The following TENM3 variants were observed in gnomAD, a reference collection of about 807,000 sequenced individuals.
TENM3 encodes teneurin transmembrane protein 3.
In TENM3, 63 loss-of-function variants were observed where a neutral mutation model predicts 255.1. The observed-to-expected ratio is 0.25, with a 90% CI of 0.20 to 0.30. The LOEUF is 0.30. Among genes scored for constraint, TENM3 ranks in the 10% least tolerant of loss-of-function variants. The pLI is 1.00. For synonymous variants in TENM3, 1,306 were observed against 1,322.3 expected, an observed-to-expected ratio of 0.99 and a Z score of 0.27; for missense variants, 2,929 against 3,461.1, an observed-to-expected ratio of 0.85 and a Z score of 3.86.
the TENM3 span, chr4:181,980,399 A>C: frequency 1.3e-4 from 20 of 152,214 alleles, no homozygotes. Flanking sequence ...TTACAAATAT[A>C]AAATAAATTT....
chr4:181,596,995 TAA>T, the TENM3 span, among the ~76,000 whole-genome samples: 2 of 152,114 alleles, frequency 1.3e-5, no homozygotes, highest in Non-Finnish European at 2.9e-5. Flanking sequence ...TACTTAATAT[TAA>T]TCTGTACAGC....
chr4:182,048,448 C>T, the TENM3 span, among the ~76,000 whole-genome samples: 1 of 152,122 alleles, frequency 6.6e-6, no homozygotes, highest in Non-Finnish European at 1.5e-5. Context: ...TAATCATGCT[C>T]TTTGTTGATT....
the TENM3 span, among the ~76,000 whole-genome samples, chr4:181,757,171 C>G: frequency 6.6e-6 from 1 of 152,200 alleles, no homozygotes; most frequent in Non-Finnish European, 1.5e-5. Context: ...ACTTTACACC[C>G]ATGTGGTTTC....
At chr4:182,239,807 T>C (rs1579849799), upstream of TENM3, among the ~76,000 whole-genome samples, 1 of 152,210 alleles carries the variant, frequency 6.6e-6, no homozygotes, top group East Asian at 1.9e-4. Context: ...AAAGCTTTAC[T>C]GGAAAAAAAT....
chr4:181,754,052 C>T, the TENM3 span, among the ~76,000 whole-genome samples: 1 of 152,088 alleles, frequency 6.6e-6, no homozygotes, highest in Non-Finnish European at 1.5e-5. Flanking sequence ...ACTTTTTATA[C>T]ATATAGTTAT....
At chr4:182,540,384 G>A (rs1401927020) in intron 3 of TENM3, among the ~76,000 whole-genome samples, 1 of 152,182 alleles carries the variant, frequency 6.6e-6, no homozygotes, top group Non-Finnish European at 1.5e-5. Flanking sequence ...GAGGTCAGGA[G>A]TTTGAGACCA....
chr4:181,544,412 A>AAAAAAAAAAAC, the TENM3 span, among the ~76,000 whole-genome samples: 11 of 111,172 alleles, frequency 9.9e-5, 1 homozygote, highest in Non-Finnish European at 1.9e-4. Context: ...CAGGATTAAA[A>AAAAAAAAAAAC]AAAAAAAAAA....
At chr4:182,574,455 T>C (rs1744722229) in intron 3 of TENM3, among the ~76,000 whole-genome samples, 1 of 152,154 alleles carries the variant, frequency 6.6e-6, no homozygotes, top group African/African-American at 2.4e-5. Flanking sequence ...AACTTTTCCT[T>C]TATTAGTTTC....
intron 1 of TENM3, among the ~76,000 whole-genome samples, chr4:182,287,055 C>T (rs551474106): frequency 3.0e-4 from 46 of 152,104 alleles, no homozygotes; most frequent in East Asian, 7.7e-4. Flanking sequence ...AGCGAGACCC[C>T]GTCTCTACAA....
chr4:182,513,500 G>GAA (rs537847412), intron 3 of TENM3, among the ~76,000 whole-genome samples: 1,817 of 133,572 alleles, frequency 0.014, 17 homozygotes, highest in Non-Finnish European at 0.022. Context: ...GATCCTGAAT[G>GAA]AAAAAAAAAA....
intron 2 of TENM3, among the ~76,000 whole-genome samples, chr4:182,325,761 T>A (rs1309392570): frequency 2.0e-5 from 3 of 152,042 alleles, no homozygotes; most frequent in East Asian, 1.9e-4. Context: ...ATAAAAAAAT[T>A]AAAAAAACCC....
At chr4:182,261,733 G>A (rs180824795) in intron 1 of TENM3, among the ~76,000 whole-genome samples, 23 of 152,336 alleles carry the variant, frequency 1.5e-4, no homozygotes, top group Admixed American at 1.5e-3. Flanking sequence ...GCTCCCGCTT[G>A]CCCAGTCCTA....
At chr4:181,601,699 A>G in the TENM3 span, among the ~76,000 whole-genome samples, 1 of 152,128 alleles carries the variant, frequency 6.6e-6, no homozygotes, top group Non-Finnish European at 1.5e-5. Flanking sequence ...ATGTTATTAT[A>G]GGGGTTACAT....
At chr4:182,471,755 G>A (rs1054213484) in intron 3 of TENM3, among the ~76,000 whole-genome samples, 1 of 152,008 alleles carries the variant, frequency 6.6e-6, no homozygotes, top group African/African-American at 2.4e-5. Flanking sequence ...AATCCGAGGT[G>A]AATAGATTAT....
chr4:181,898,942 T>G, the TENM3 span, among the ~76,000 whole-genome samples: 1 of 152,188 alleles, frequency 6.6e-6, no homozygotes. Flanking sequence ...AGTTGCTAAA[T>G]TATAAGGTAG....
chr4:181,746,735 C>T, the TENM3 span, among the ~76,000 whole-genome samples: 1 of 151,502 alleles, frequency 6.6e-6, no homozygotes, highest in Admixed American at 6.6e-5. Flanking sequence ...TCCCTTGAAC[C>T]ACTTCCCTAC....
the TENM3 span, among the ~76,000 whole-genome samples, chr4:181,532,208 A>G: frequency 1.3e-5 from 2 of 152,172 alleles, no homozygotes; most frequent in Admixed American, 6.5e-5. Flanking sequence ...TATGAAATGC[A>G]TCAAAAACAT....
intron 3 of TENM3, among the ~76,000 whole-genome samples, chr4:182,549,708 T>C (rs1741817435): frequency 1.3e-5 from 2 of 152,350 alleles, no homozygotes; most frequent in African/African-American, 4.8e-5. Context: ...CAAAATATCA[T>C]GCATTCTTCT....
chr4:182,531,951 G>T (rs774878527), intron 3 of TENM3, among the ~76,000 whole-genome samples: 1 of 152,142 alleles, frequency 6.6e-6, no homozygotes, highest in East Asian at 1.9e-4. Context: ...CACCAGCCAC[G>T]GCTAGCCTTG....
Sources: allele counts gnomAD v4.1 joint callset (sites outside exome capture counted in the v4.1 genomes callset), GRCh38; gene constraint gnomAD v4.1.1; transcripts MANE v1.5; gene names NCBI Gene and HGNC (gene_info 2026-07-23, HGNC 2026-07-21).